Variants in SLC22A2 observed in about 807,000 individuals in gnomAD.
The protein encoded by SLC22A2 is solute carrier family 22 member 2, also known as organic cation transporter 2.
SLC22A2 carries 46 observed loss-of-function variants against 60.5 expected under a neutral mutation model. The observed-to-expected ratio is 0.76, with a 90% CI of 0.60 to 0.97. The LOEUF (loss-of-function observed/expected upper bound fraction) is 0.97. Among genes scored for constraint, SLC22A2 ranks in the 50% least tolerant of loss-of-function variants. The pLI, the probability that SLC22A2 is intolerant of heterozygous loss-of-function variation, is 0.00. For synonymous variants in SLC22A2, 303 were observed against 267.0 expected (o/e 1.13, Z -1.31); for missense variants, 701 against 706.6 (o/e 0.99, Z 0.09).
At chr6:160,219,975 A>G (rs1407265385) in intron 10 of SLC22A2, among the ~76,000 whole-genome samples, 3 of 152,222 alleles carry the variant, frequency 2.0e-5, no homozygotes, top group Admixed American at 2.0e-4. Context: ...TGAGCAAGAC[A>G]GTGGTTGCTG....
chr6:160,247,320 G>A (rs770254123), intron 4 of SLC22A2, 22 bp from the exon 5 acceptor site: 3 of 1,286,946 alleles, frequency 2.3e-6, no homozygotes, highest in Admixed American at 1.7e-5. Context: ...GGTGAGCGGA[G>A]GGCAACTCTT....
At chr6:160,245,319 C>T (rs1783072742) in intron 6 of SLC22A2, 120 bp downstream of exon 6, 1 of 563,494 alleles carries the variant, frequency 1.8e-6, no homozygotes, top group Non-Finnish European at 3.1e-6. Context: ...ACACAACCCA[C>T]ATTGCTGCCC....
intron 9 of SLC22A2, among the ~76,000 whole-genome samples, chr6:160,229,611 C>A (rs1782786094): frequency 1.3e-5 from 2 of 151,522 alleles, no homozygotes; most frequent in African/African-American, 4.9e-5. Context: ...GGGGCAAGCA[C>A]CTCCCACCCC....
intron 10 of SLC22A2, among the ~76,000 whole-genome samples, chr6:160,221,687 C>A (rs316001): frequency 0.77 from 117,263 of 152,148 alleles, 45,510 homozygotes; most frequent in Admixed American, 0.84. Flanking sequence ...TGTCTTGGGC[C>A]ATAGGAAGGC....
intron 9 of SLC22A2, among the ~76,000 whole-genome samples, chr6:160,238,543 G>T (rs1025134789): frequency 6.6e-6 from 1 of 152,152 alleles, no homozygotes; most frequent in African/African-American, 2.4e-5. Context: ...TGCTCTTTCA[G>T]CCAGGATTTT....
In SLC22A2 at chr6:160,224,770, C is replaced by G; in HGVS notation, c.1536G>C (p.Leu512=). The G allele has an allele frequency of 1.2e-6, 2 of 1,601,128 alleles. No individual in the cohort carries two copies. The highest frequency in any genetic ancestry group is 1.7e-6 in the Non-Finnish European group (2 of 1,172,458). Residue 512 remains leucine, a synonymous_variant, in exon 10 of 11, where the codon CTG becomes CTC. Coordinates refer to ENST00000366953, the MANE Select transcript of SLC22A2 (RefSeq NM_003058.4). ...VLGLVAGGLV[L]LLPETKGKAL... ...CTTTCCCTTTAGTTTCTGGAAGCAA[C>G]AGCACCAGACCTCCAGCAACCAAGC...
chr6:160,232,638 G>A (rs1389481806), intron 9 of SLC22A2, among the ~76,000 whole-genome samples: 1 of 151,524 alleles, frequency 6.6e-6, no homozygotes, highest in African/African-American at 2.4e-5. Flanking sequence ...CACTGCAAAG[G>A]CCATCAAAAG....
chr6:160,228,590 G>A (rs1782765210), intron 9 of SLC22A2, among the ~76,000 whole-genome samples: 1 of 152,138 alleles, frequency 6.6e-6, no homozygotes, highest in Non-Finnish European at 1.5e-5. Flanking sequence ...CTTGCACTCT[G>A]CTGATGTCTA....
intron 7 of SLC22A2, 46 bp from the exon 8 acceptor site, chr6:160,242,448 C>T: frequency 1.9e-6 from 2 of 1,054,038 alleles, no homozygotes; most frequent in Non-Finnish European, 3.0e-6. Flanking sequence ...GATGATTCCT[C>T]ATCTTCAGAC....
chr6:160,242,471 T>G, intron 7 of SLC22A2, 69 bp from the exon 8 acceptor site: 1 of 920,260 alleles, frequency 1.1e-6, no homozygotes, highest in Non-Finnish European at 1.8e-6. Flanking sequence ...TGCTCCAGAG[T>G]GGGACTGTAA....
intron 9 of SLC22A2, among the ~76,000 whole-genome samples, chr6:160,240,902 T>TGTGAC (rs1782987382): frequency 6.6e-6 from 1 of 152,358 alleles, no homozygotes; most frequent in Admixed American, 6.5e-5. Flanking sequence ...GGAAGTGCTA[T>TGTGAC]GTGACGCTCC....
chr6:160,232,677 C>T (rs754998840), intron 9 of SLC22A2, among the ~76,000 whole-genome samples: 1 of 151,890 alleles, frequency 6.6e-6, no homozygotes, highest in Non-Finnish European at 1.5e-5. Context: ...CAGGACAATG[C>T]TTATGCTCAT....
At position 160,258,503 on chromosome 6, in the gene SLC22A2, G is replaced by C; in HGVS notation, c.255C>G (p.Ser85=). ...CCTCGTAGCGCCTACACTGTCTTGG[G>C]GAGGCTTCGCCCGCAGGTCCTGGGC... ...VPGPGPAGEA[S]PRQCRRYEVD... The change falls in exon 1 of 11, where the codon TCC becomes TCG. Residue 85 remains serine, a synonymous_variant. Transcript: ENST00000366953. The C allele has an allele frequency of 6.2e-7, 1 of 1,614,158 alleles. No homozygotes were observed. Among genetic ancestry groups the C allele is most frequent in the East Asian group, 2.2e-5 (1 of 44,866 alleles).
chr6:160,245,228 G>A, intron 6 of SLC22A2: 2 of 329,834 alleles, frequency 6.1e-6, no homozygotes, highest in Non-Finnish European at 1.1e-5. Context: ...AGCCGAGGTT[G>A]CCATTGCCTT....
At position 160,247,271 on chromosome 6, in the gene SLC22A2, C is replaced by G. The variant is rs760138598; in HGVS notation, c.870G>C (p.Leu290=). Residue 290 remains leucine, a synonymous_variant, in exon 5 of 11, where the codon CTG becomes CTC. Transcript: ENST00000366953. ...CTTCAGCATTCTTATTCTGGGAGAT[C>G]AGCCACCTGGGAGACTCAGGTATGC... The part of the protein sequence containing the change: ...YWCIPESPRW[L]ISQNKNAEAM... 3.7e-6 allele frequency: 6 copies of G among 1,612,676 alleles called. No individual in the cohort carries two copies. The East Asian group carries it at 1.1e-4, about 30-fold the overall frequency.
In SLC22A2 at chr6:160,250,612, C is replaced by T; in HGVS notation, c.609G>A (p.Met203Ile). The change falls in exon 3 of 11, where the codon ATG (methionine) becomes ATA (isoleucine). Residue 203 changes from methionine to isoleucine, a missense_variant. Physicochemically the swap from Met to Ile is conservative, Grantham distance 10. Transcript: ENST00000366953. The part of the protein sequence containing the change: ...LMAISPTYTW[M>I]LIFRLIQGLV... ...GTCCTTGGATTAAGCGAAAAATTAA[C>T]ATCCACGTATAGGTTGGGGAAATGG... 1 of 1,614,060 alleles carries T rather than the reference C, an allele frequency of 6.2e-7. No homozygotes were observed. Among genetic ancestry groups the T allele is most frequent in the South Asian group, 1.1e-5 (1 of 91,086 alleles).
intron 2 of SLC22A2, among the ~76,000 whole-genome samples, chr6:160,254,983 A>C (rs1783246249): frequency 6.6e-6 from 1 of 152,170 alleles, no homozygotes; most frequent in South Asian, 2.1e-4. Flanking sequence ...AGTGAGTGTT[A>C]GCACCTCTAC....
At chr6:160,245,199 C>T in intron 6 of SLC22A2, 1 of 289,964 alleles carries the variant, frequency 3.4e-6, no homozygotes, top group East Asian at 5.8e-5. Context: ...TTGTAAGCTC[C>T]CAGGTGATTC....
At chr6:160,226,219 C>T (rs990728174) in intron 9 of SLC22A2, among the ~76,000 whole-genome samples, 1 of 152,166 alleles carries the variant, frequency 6.6e-6, no homozygotes, top group Non-Finnish European at 1.5e-5. Flanking sequence ...AGCTTTGACT[C>T]CCTATGATTT....
Sources: gnomAD v4.1 joint callset for allele counts (sites outside exome capture counted in the v4.1 genomes callset) on GRCh38, gnomAD v4.1.1 for gene constraint, MANE v1.5 for transcripts, NCBI Gene and HGNC (gene_info 2026-07-23, HGNC 2026-07-21) for gene names.